CEP83: variants seen among roughly 807,000 people sequenced by gnomAD.
The protein encoded by CEP83 is centrosomal protein of 83 kDa.
In CEP83, 70 loss-of-function variants were observed where a neutral mutation model predicts 101.9. The ratio of observed to expected loss-of-function variants is 0.69; its 90% CI spans 0.57 to 0.84. CEP83 has a LOEUF of 0.84. CEP83 is among the 40% of genes least tolerant of loss of function. CEP83 has a pLI of 0.00. For synonymous variants in CEP83, 264 were observed against 267.9 expected, an observed-to-expected ratio of 0.99 and a Z score of 0.14; for missense variants, 715 against 787.2, an observed-to-expected ratio of 0.91 and a Z score of 1.10.
At chr12:94,359,195 G>C (rs1194185810) in intron 11 of CEP83, among the ~76,000 whole-genome samples, 1 of 152,172 alleles carries the variant, frequency 6.6e-6, no homozygotes, top group Non-Finnish European at 1.5e-5. Context: ...CAGCTCTGAA[G>C]GTTGTGAGAA....
At chr12:94,284,855 G>A in the CEP83 span, among the ~76,000 whole-genome samples, 2 of 152,214 alleles carry the variant, frequency 1.3e-5, no homozygotes, top group Non-Finnish European at 2.9e-5. Context: ...GGAAGCCATG[G>A]GAGGTCCTGA....
At chr12:94,396,681 T>C (rs965915340) in intron 6 of CEP83, among the ~76,000 whole-genome samples, 1 of 152,190 alleles carries the variant, frequency 6.6e-6, no homozygotes, top group Non-Finnish European at 1.5e-5. Flanking sequence ...ACATGTGTAT[T>C]CCTGGAGTCC....
intron 11 of CEP83, among the ~76,000 whole-genome samples, chr12:94,341,964 G>A (rs540554862): frequency 1.3e-5 from 2 of 152,260 alleles, no homozygotes; most frequent in African/African-American, 4.8e-5. Context: ...GATGCCTGGG[G>A]AGGGTCTACC....
Position 94,446,710 on chromosome 12 carries a change from G to A in CEP83, c.-154-11383C>T, listed in dbSNP as rs138559349. Among the ~76,000 whole-genome samples the A allele has an allele frequency of 6.1e-4, 92 of 151,836 alleles. No homozygotes were observed. In the East Asian group the frequency reaches 0.017, roughly 27 times the overall value. On this transcript the variant is annotated intron_variant, in intron 1 of 16. Coordinates refer to ENST00000397809, the MANE Select transcript of CEP83 (RefSeq NM_016122.3). The stretch of plus-strand genomic sequence containing the variant: ...CAAGAGAGCAAGACCCCACCTCAAA[G>A]AAAAAGAAAAATAAAAAATAATGTT...
At chr12:94,378,064 C>A (rs1415359341) in intron 7 of CEP83, among the ~76,000 whole-genome samples, 1 of 151,786 alleles carries the variant, frequency 6.6e-6, no homozygotes, top group African/African-American at 2.4e-5. Context: ...CGCTAATGTC[C>A]CCCCCACCCA....
downstream of CEP83, chr12:94,305,104 C>T (rs3803071): frequency 0.52 from 416,890 of 804,884 alleles, 109,523 homozygotes; most frequent in Admixed American, 0.56. Flanking sequence ...TTACCACTCA[C>T]AGCATCAGGT....
At chr12:94,281,469 G>A in the CEP83 span, among the ~76,000 whole-genome samples, 96,166 of 151,948 alleles carry the variant, frequency 0.63, 30,416 homozygotes, top group Middle Eastern at 0.69. Flanking sequence ...CCATCCAAGG[G>A]GACAGTGCCA....
chr12:94,289,228 T>G, the CEP83 span, among the ~76,000 whole-genome samples: 1 of 152,174 alleles, frequency 6.6e-6, no homozygotes. Context: ...GACTTAAAGT[T>G]GTTGATATGG....
At position 94,424,045 on chromosome 12, in the gene CEP83, G is replaced by A. The variant is rs534210794; in HGVS notation, c.-102+11230C>T. Reference sequence around the variant, plus strand: ...AAGGCTGCATGAGGTATGAATGGTGGTGCATCCAGGATGGGTTAGGTACTT... The same window carrying A: ...AAGGCTGCATGAGGTATGAATGGTGATGCATCCAGGATGGGTTAGGTACTT... On this transcript the variant is annotated intron_variant, in intron 2 of 16. Coordinates refer to ENST00000397809, the MANE Select transcript of CEP83 (RefSeq NM_016122.3). 5.6e-6 allele frequency: 9 copies of A among 1,612,044 alleles called. No homozygotes were observed. The East Asian group carries it at 2.0e-4, about 36-fold the overall frequency.
chr12:94,415,866 T>C (rs915711671), intron 2 of CEP83, among the ~76,000 whole-genome samples: 2 of 152,120 alleles, frequency 1.3e-5, no homozygotes, highest in African/African-American at 2.4e-5. Flanking sequence ...AACTGACATA[T>C]GGAAGACTAT....
intron 2 of CEP83, among the ~76,000 whole-genome samples, chr12:94,418,293 A>C (rs921565694): frequency 5.9e-5 from 9 of 152,172 alleles, no homozygotes; most frequent in Admixed American, 2.0e-4. Flanking sequence ...TCTGGGAGGC[A>C]GAGGCTGCAG....
chr12:94,303,912 A>T, downstream of CEP83: 5 of 1,608,176 alleles, frequency 3.1e-6, no homozygotes, highest in Non-Finnish European at 4.2e-6. Context: ...ATTAGAAAGC[A>T]GAAATAAGCT....
rs186140463 is a variant in CEP83 at position 94,331,070 on chromosome 12, T to A, written c.1707+630A>T. ...ACTTTGGGAGGCTGAGGTGGGAGGA[T>A]CACTTGAGGTCAGGAGTTTGAGACC... On this transcript the variant is annotated intron_variant, in intron 14 of 16. Coordinates refer to ENST00000397809, the MANE Select transcript of CEP83 (RefSeq NM_016122.3). Among the ~76,000 whole-genome samples, 7 of 152,100 alleles carry A rather than the reference T, an allele frequency of 4.6e-5. No individual in the cohort carries two copies. In the East Asian group the frequency reaches 1.4e-3, roughly 30 times the overall value.
At chr12:94,443,993 C>T (rs2066612121) in intron 1 of CEP83, among the ~76,000 whole-genome samples, 1 of 152,174 alleles carries the variant, frequency 6.6e-6, no homozygotes, top group Non-Finnish European at 1.5e-5. Flanking sequence ...TGATGTGAAT[C>T]CTACTCTCCC....
chr12:94,310,052 G>A lies in CEP83; in HGVS notation c.1867C>T (p.Gln623Ter), dbSNP rs1198459012. The change falls in exon 16 of 17, where the codon CAG (glutamine) becomes TAG (stop). Residue 623 changes from glutamine (Q) to a stop codon, truncating the protein, a stop_gained. Transcript: ENST00000397809. LOFTEE classifies it high-confidence loss of function. ...TRLQKRLKDIQRRHNEFRSLI... is the reference protein window; with the variant it reads ...TRLQKRLKDI ...CTTCGAAATTCATTATGTCTTCTCT[G>A]TATATCTTTTAGTCTTTTTTGAAGC... 5 of 1,605,240 alleles carry A rather than the reference G, an allele frequency of 3.1e-6. No individual in the cohort carries two copies. Among genetic ancestry groups the A allele is most frequent in the African/African-American group, 2.7e-5 (2 of 74,682 alleles).
At position 94,310,110 on chromosome 12, in the gene CEP83, TAA is replaced by T. The variant is rs747799028; in HGVS notation, c.1812-5_1812-4del. 5.4e-6 allele frequency: 8 copies of T among 1,490,002 alleles called. No homozygotes were observed. The East Asian group carries it at 1.8e-4, about 34-fold the overall frequency. 92.3% of individuals were successfully genotyped at this position (1,490,002 alleles called of 1,614,324 possible). On this transcript the variant is annotated splice_polypyrimidine_tract_variant and splice_region_variant and intron_variant, in intron 15 of 16. Transcript: ENST00000397809. ...AGTCTTCAAAAGGAACATTTTGTCT[TAA>T]AAAGAAAAAGAAATGTTTCTTTAAC...
chr12:94,365,693 G>A (rs867317362), intron 11 of CEP83, among the ~76,000 whole-genome samples: 1 of 151,324 alleles, frequency 6.6e-6, no homozygotes, highest in Admixed American at 6.6e-5. Flanking sequence ...GAATCCCAGA[G>A]GCAGAGGCGG....
the CEP83 span, chr12:94,301,198 T>C: frequency 3.5e-6 from 2 of 567,020 alleles, no homozygotes; most frequent in Non-Finnish European, 5.7e-6. Flanking sequence ...GTCAATTTGC[T>C]GTTATTTAAA....
At chr12:94,323,499 G>A (rs2058837690) in intron 14 of CEP83, among the ~76,000 whole-genome samples, 2 of 152,146 alleles carry the variant, frequency 1.3e-5, no homozygotes, top group South Asian at 4.1e-4. Flanking sequence ...GTGGATGACT[G>A]TCCTGATTGC....
Sources: gnomAD v4.1 joint callset for allele counts (sites outside exome capture counted in the v4.1 genomes callset) on GRCh38, gnomAD v4.1.1 for gene constraint, MANE v1.5 for transcripts, NCBI Gene and HGNC (gene_info 2026-07-23, HGNC 2026-07-21) for gene names.